MDGA2: variants seen among roughly 807,000 people sequenced by gnomAD.
MDGA2 encodes the protein MAM domain containing glycosylphosphatidylinositol anchor 2, also known as MAM domain-containing glycosylphosphatidylinositol anchor protein 2.
In MDGA2, 40 loss-of-function variants were observed where a neutral mutation model predicts 117.8. The ratio of observed to expected loss-of-function variants is 0.34; its 90% CI spans 0.26 to 0.44. MDGA2 has a LOEUF of 0.44. Among genes scored for constraint, MDGA2 ranks in the 20% least tolerant of loss-of-function variants. The pLI is 1.00. For missense variants in MDGA2, 1,123 were observed against 1,250.6 expected (o/e 0.90, Z 1.54); for synonymous variants, 452 against 439.0 (o/e 1.03, Z -0.37).
chr14:47,515,770 A>T (rs987872326), intron 1 of MDGA2, among the ~76,000 whole-genome samples: 1 of 152,194 alleles, frequency 6.6e-6, no homozygotes, highest in Non-Finnish European at 1.5e-5. Flanking sequence ...GCAATTAAGA[A>T]CACAGACTGT....
intron 3 of MDGA2, among the ~76,000 whole-genome samples, chr14:47,168,756 T>A (rs759315650): frequency 6.6e-6 from 1 of 152,106 alleles, no homozygotes; most frequent in Non-Finnish European, 1.5e-5. Context: ...TACATTTATA[T>A]GTTAAATTAA....
intron 5 of MDGA2, among the ~76,000 whole-genome samples, chr14:47,116,489 C>T (rs1357380209): frequency 6.6e-6 from 1 of 152,002 alleles, no homozygotes; most frequent in Non-Finnish European, 1.5e-5. Context: ...CAGGAGTTAG[C>T]ACACTAGCTG....
At chr14:47,184,756 C>T (rs1884844781) in intron 3 of MDGA2, among the ~76,000 whole-genome samples, 1 of 151,502 alleles carries the variant, frequency 6.6e-6, no homozygotes, top group African/African-American at 2.4e-5. Flanking sequence ...TTTAATTATA[C>T]TAATAGACTT....
intron 1 of MDGA2, among the ~76,000 whole-genome samples, chr14:47,644,087 A>G (rs937224468): frequency 6.6e-6 from 1 of 152,204 alleles, no homozygotes; most frequent in Non-Finnish European, 1.5e-5. Flanking sequence ...ATATGTTTTC[A>G]TAGAAAAACA....
intron 2 of MDGA2, among the ~76,000 whole-genome samples, chr14:47,298,658 C>T (rs535446311): frequency 6.7e-6 from 1 of 149,044 alleles, no homozygotes; most frequent in Non-Finnish European, 1.5e-5. Context: ...AGTTTGTTGA[C>T]AATGAAGAGG....
chr14:47,549,816 AC>A (rs2138774928), intron 1 of MDGA2, among the ~76,000 whole-genome samples: 1 of 152,284 alleles, frequency 6.6e-6, no homozygotes, highest in East Asian at 1.9e-4. Flanking sequence ...CCATGAGCAC[AC>A]AGCAAGAAGG....
At chr14:47,080,123 C>CA (rs1281769252) in intron 6 of MDGA2, among the ~76,000 whole-genome samples, 1 of 152,130 alleles carries the variant, frequency 6.6e-6, no homozygotes, top group Admixed American at 6.5e-5. Context: ...TTGTCTAATT[C>CA]AATTTAACAG....
chr14:47,095,239 A>C (rs10133999), intron 6 of MDGA2, among the ~76,000 whole-genome samples: 51,663 of 151,768 alleles, frequency 0.34, 9,348 homozygotes, highest in East Asian at 0.53. Context: ...TGCCTCTTAC[A>C]TTCAATAGTC....
intron 5 of MDGA2, among the ~76,000 whole-genome samples, chr14:47,112,820 G>A (rs757458987): frequency 6.6e-6 from 1 of 152,120 alleles, no homozygotes; most frequent in Non-Finnish European, 1.5e-5. Context: ...TCACAACACT[G>A]TCTTTCCACA....
intron 1 of MDGA2, among the ~76,000 whole-genome samples, chr14:47,535,156 A>T (rs913030112): frequency 1.3e-5 from 2 of 152,350 alleles, no homozygotes; most frequent in Non-Finnish European, 2.9e-5. Context: ...TGAAAAAAAA[A>T]AATTAAAAAG....
intron 1 of MDGA2, among the ~76,000 whole-genome samples, chr14:47,645,956 T>C (rs1897523794): frequency 6.6e-6 from 1 of 151,732 alleles, no homozygotes; most frequent in Admixed American, 6.6e-5. Context: ...GGCAGGCTCC[T>C]GTAGTCCCAT....
At chr14:47,581,858 A>G (rs867025687) in intron 1 of MDGA2, among the ~76,000 whole-genome samples, 14 of 152,016 alleles carry the variant, frequency 9.2e-5, no homozygotes, top group South Asian at 2.1e-4. Context: ...GCTAATACAC[A>G]CTGGGTTTCA....
At chr14:47,222,274 C>A (rs1283597653) in intron 2 of MDGA2, among the ~76,000 whole-genome samples, 2 of 151,640 alleles carry the variant, frequency 1.3e-5, no homozygotes, top group East Asian at 3.9e-4. Context: ...AATCAATCAA[C>A]CAATTAGGAG....
At position 47,286,830 on chromosome 14, in the gene MDGA2, T is replaced by TATACACAC. The variant is rs1888700456; in HGVS notation, c.420+14580_420+14581insGTGTGTAT. ...ATATATATATATATATATATACATA[T>TATACACAC]ATATATGTATATATATATATACTTT... On this transcript the variant is annotated intron_variant, in intron 2 of 16. Transcript: ENST00000399232. Among the ~76,000 whole-genome samples the TATACACAC allele has an allele frequency of 3.4e-5, 4 of 116,138 alleles. No homozygotes were observed. In the East Asian group the frequency reaches 7.0e-4, roughly 20 times the overall value. 76.2% of individuals were successfully genotyped at this position (116,138 alleles called of 152,430 possible). A position where few individuals can be genotyped will look rare whatever the true frequency, so the allele number is the denominator to read the frequency against.
At chr14:46,962,642 AGTT>A (rs139058958) in intron 8 of MDGA2, among the ~76,000 whole-genome samples, 17,887 of 152,108 alleles carry the variant, frequency 0.12, 1,985 homozygotes, top group African/African-American at 0.27. Context: ...TCCAGATTTT[AGTT>A]GTTTACATTG....
chr14:47,250,973 C>T (rs1887426446), intron 2 of MDGA2, among the ~76,000 whole-genome samples: 1 of 152,192 alleles, frequency 6.6e-6, no homozygotes, highest in Admixed American at 6.5e-5. Context: ...TCAGTCACTT[C>T]TTACTGGGTT....
chr14:46,997,199 G>A (rs1243791361), intron 8 of MDGA2: 1 of 158,728 alleles, frequency 6.3e-6, no homozygotes, highest in African/African-American at 2.4e-5. Flanking sequence ...AGATTTAATT[G>A]GGTATTGGAG....
chr14:47,237,820 T>C (rs935358775), intron 2 of MDGA2, among the ~76,000 whole-genome samples: 1 of 152,070 alleles, frequency 6.6e-6, no homozygotes, highest in African/African-American at 2.4e-5. Flanking sequence ...GTCACCATCA[T>C]CTCTCCCTAG....
chr14:47,584,307 CA>C (rs749738208), intron 1 of MDGA2, among the ~76,000 whole-genome samples: 11 of 151,734 alleles, frequency 7.2e-5, no homozygotes, highest in Non-Finnish European at 1.3e-4. Flanking sequence ...ATATGTTATA[CA>C]ATGTAAAACA....
Sources: gnomAD v4.1 joint callset for allele counts (sites outside exome capture counted in the v4.1 genomes callset) on GRCh38, gnomAD v4.1.1 for gene constraint, MANE v1.5 for transcripts, NCBI Gene and HGNC (gene_info 2026-07-23, HGNC 2026-07-21) for gene names.